DLG2: variants seen among roughly 807,000 people sequenced by gnomAD.
DLG2 encodes discs large MAGUK scaffold protein 2, also known as disks large homolog 2.
In DLG2, 45 loss-of-function variants were observed where a neutral mutation model predicts 132.5. That is an observed-to-expected ratio of 0.34 (90% CI 0.27 to 0.44). DLG2 has a LOEUF of 0.44. DLG2 is among the 20% of genes least tolerant of loss of function. The pLI, the probability that DLG2 is intolerant of heterozygous loss-of-function variation, is 1.00. For synonymous variants in DLG2, 424 were observed against 419.6 expected (o/e 1.01, Z -0.13); for missense variants, 1,045 against 1,196.9 (o/e 0.87, Z 1.87).
intron 3 of DLG2, among the ~76,000 whole-genome samples, chr11:85,404,439 T>C (rs1411003810): frequency 2.0e-5 from 3 of 151,972 alleles, no homozygotes; most frequent in Admixed American, 6.6e-5. Context: ...GATCACCTAA[T>C]ACAGAACAAT....
intron 3 of DLG2, among the ~76,000 whole-genome samples, chr11:85,489,207 T>A (rs943759186): frequency 6.6e-6 from 1 of 151,736 alleles, no homozygotes; most frequent in African/African-American, 2.4e-5. Flanking sequence ...ACACATAGAC[T>A]AAAAGTAAAG....
At chr11:83,656,181 T>A (rs2072363906) in intron 18 of DLG2, among the ~76,000 whole-genome samples, 1 of 152,212 alleles carries the variant, frequency 6.6e-6, no homozygotes, top group Non-Finnish European at 1.5e-5. Context: ...GTGACACTCA[T>A]TAAGAGTCAT....
intron 6 of DLG2, among the ~76,000 whole-genome samples, chr11:84,975,604 G>A (rs1400878162): frequency 6.6e-6 from 1 of 151,984 alleles, no homozygotes; most frequent in Non-Finnish European, 1.5e-5. Context: ...TATGTGAGGG[G>A]AAAAAATCAA....
intron 18 of DLG2, among the ~76,000 whole-genome samples, chr11:83,715,363 C>T (rs1022661507): frequency 6.6e-5 from 10 of 152,118 alleles, no homozygotes; most frequent in African/African-American, 1.9e-4. Context: ...TCTTTATCAA[C>T]AGAATCTAAA....
intron 12 of DLG2, among the ~76,000 whole-genome samples, chr11:83,967,322 T>A (rs1375614005): frequency 6.6e-6 from 1 of 152,066 alleles, no homozygotes; most frequent in Non-Finnish European, 1.5e-5. Context: ...CTGTTTTCCA[T>A]AATGGCTACA....
At chr11:84,363,195 C>G (rs1421365847) in intron 7 of DLG2, among the ~76,000 whole-genome samples, 2 of 151,842 alleles carry the variant, frequency 1.3e-5, no homozygotes, top group African/African-American at 4.8e-5. Flanking sequence ...TTTTAATGAT[C>G]GCCATTCTAA....
At chr11:85,033,859 AT>A (rs1370649678) in intron 6 of DLG2, among the ~76,000 whole-genome samples, 3 of 152,196 alleles carry the variant, frequency 2.0e-5, no homozygotes, top group East Asian at 1.9e-4. Flanking sequence ...ATTATGATCT[AT>A]TTTTTTCTTC....
intron 6 of DLG2, among the ~76,000 whole-genome samples, chr11:84,871,168 A>G (rs1281692723): frequency 6.6e-6 from 1 of 152,214 alleles, no homozygotes; most frequent in Non-Finnish European, 1.5e-5. Flanking sequence ...TAGATTTCCA[A>G]CACCACTGGT....
chr11:84,844,203 G>A (rs1426221947), intron 6 of DLG2, among the ~76,000 whole-genome samples: 2 of 140,346 alleles, frequency 1.4e-5, no homozygotes, highest in Non-Finnish European at 3.1e-5. Flanking sequence ...TGAATATGAT[G>A]ATGATGATGG....
chr11:85,191,701 T>C lies in DLG2; in HGVS notation c.187-37050A>G, dbSNP rs1209328634. ...CTCATGTATGACCCAGGAAGATATA[T>C]ATAGATTGGTTTTCTGGGAGTTTTT... On this transcript the variant is annotated intron_variant, in intron 4 of 27. Coordinates refer to ENST00000376104, the MANE Select transcript of DLG2 (RefSeq NM_001142699.3). Among the ~76,000 whole-genome samples, 11 of 152,254 alleles carry C rather than the reference T, an allele frequency of 7.2e-5. No individual in the cohort carries two copies. The South Asian group carries it at 2.3e-3, about 32-fold the overall frequency.
At chr11:85,019,945 T>A (rs1239290647) in intron 6 of DLG2, among the ~76,000 whole-genome samples, 1 of 152,234 alleles carries the variant, frequency 6.6e-6, no homozygotes, top group Non-Finnish European at 1.5e-5. Context: ...CATGTGTCTT[T>A]ATAGCAGCAT....
At chr11:85,570,297 T>C (rs900804673) in intron 3 of DLG2, among the ~76,000 whole-genome samples, 1 of 152,188 alleles carries the variant, frequency 6.6e-6, no homozygotes, top group Non-Finnish European at 1.5e-5. Context: ...AGACTTATTT[T>C]GTGGTATAAT....
chr11:84,125,566 G>A (rs553482721), intron 9 of DLG2, among the ~76,000 whole-genome samples: 1 of 152,234 alleles, frequency 6.6e-6, no homozygotes, highest in South Asian at 2.1e-4. Context: ...CTGTAGGGGG[G>A]TACTAGGATC....
intron 3 of DLG2, among the ~76,000 whole-genome samples, chr11:85,346,715 C>T (rs533484338): frequency 3.9e-5 from 6 of 152,108 alleles, no homozygotes; most frequent in Admixed American, 3.3e-4. Context: ...TCCTAGCCCT[C>T]ACTCAAAATG....
At chr11:84,689,841 T>C (rs187649039) in intron 6 of DLG2, among the ~76,000 whole-genome samples, 54 of 151,646 alleles carry the variant, frequency 3.6e-4, no homozygotes, top group Non-Finnish European at 6.8e-4. Flanking sequence ...ATGCAGACCA[T>C]GCACATAATT....
rs539627145 is a variant in DLG2, at chr11:84,493,457, C to A, written c.519+41113G>T. Among the ~76,000 whole-genome samples the A allele has an allele frequency of 5.3e-5, 8 of 152,224 alleles. No homozygotes were observed. The South Asian group carries it at 1.5e-3, about 28-fold the overall frequency. On this transcript the variant is annotated intron_variant, in intron 7 of 27. Coordinates refer to ENST00000376104, the MANE Select transcript of DLG2 (RefSeq NM_001142699.3). Reference sequence around the variant, plus strand: ...ACCCATTCCACCCCCTTCCCATCCTCTCCAACCAGCCCCTGCCTGAATCAT... The same window carrying A: ...ACCCATTCCACCCCCTTCCCATCCTATCCAACCAGCCCCTGCCTGAATCAT...
intron 26 of DLG2, 56 bp downstream of exon 26, chr11:83,466,652 G>C (rs1565331964): frequency 2.1e-6 from 2 of 971,362 alleles, no homozygotes; most frequent in Non-Finnish European, 3.3e-6. Context: ...GTAATTTTCA[G>C]TATAATACAG....
At chr11:83,496,605 CA>C (rs1416142581) in intron 21 of DLG2, among the ~76,000 whole-genome samples, 1 of 152,064 alleles carries the variant, frequency 6.6e-6, no homozygotes, top group Non-Finnish European at 1.5e-5. Flanking sequence ...AAATGCTACT[CA>C]ACAATAAAAA....
At chr11:84,220,417 C>A (rs1336040844) in intron 8 of DLG2, among the ~76,000 whole-genome samples, 1 of 152,178 alleles carries the variant, frequency 6.6e-6, no homozygotes, top group Admixed American at 6.5e-5. Context: ...CTTAATGACT[C>A]TAAACACAGA....
Sources: gnomAD v4.1 joint callset for allele counts (sites outside exome capture counted in the v4.1 genomes callset) on GRCh38, gnomAD v4.1.1 for gene constraint, MANE v1.5 for transcripts, NCBI Gene and HGNC (gene_info 2026-07-23, HGNC 2026-07-21) for gene names.